The following HELLS variants were observed in gnomAD, a reference collection of about 807,000 sequenced individuals.
HELLS encodes the protein helicase, lymphoid specific.
A neutral mutation model predicts 120.0 loss-of-function variants in HELLS; 32 were observed. The ratio of observed to expected loss-of-function variants is 0.27; its 90% confidence interval spans 0.20 to 0.36. The LOEUF (loss-of-function observed/expected upper bound fraction) is 0.36. HELLS is among the 10% of genes least tolerant of loss of function. The pLI is 1.00. For synonymous variants in HELLS, 341 were observed against 323.4 expected (o/e 1.05, Z -0.58); for missense variants, 650 against 993.4 (o/e 0.65, Z 4.65).
intron 8 of HELLS, 64 bp downstream of exon 8, chr10:94,574,251 A>G: frequency 1.9e-6 from 2 of 1,048,260 alleles, no homozygotes; most frequent in Middle Eastern, 2.1e-4. Context: ...TAATGATTTG[A>G]GGTACCACAA....
At position 94,583,067 on chromosome 10, in the gene HELLS, A is replaced by G. The variant is rs374528125; in HGVS notation, c.1326+8A>G. 2 of 1,510,656 alleles carry G rather than the reference A, an allele frequency of 1.3e-6. No individual in the cohort carries two copies. The highest frequency in any genetic ancestry group is 1.8e-6 in the Non-Finnish European group (2 of 1,099,934). 93.6% of individuals were successfully genotyped at this position (1,510,656 alleles called of 1,614,324 possible). On this transcript the variant is annotated splice_region_variant and intron_variant, in intron 12 of 21. Transcript: ENST00000348459. ...TTGCATATGCTGCACCAGGTTTTCC[A>G]TGTTTTCTTATTCTGCTTAACCATA...
At chr10:94,585,451 G>A (rs1361485246) in intron 12 of HELLS, among the ~76,000 whole-genome samples, 8 of 146,868 alleles carry the variant, frequency 5.4e-5, no homozygotes, top group Non-Finnish European at 1.0e-4. Flanking sequence ...CCCAGGCCTG[G>A]AGTGCAGTGA....
chr10:94,555,505 A>G (rs1430082443), intron 3 of HELLS, among the ~76,000 whole-genome samples: 3 of 152,232 alleles, frequency 2.0e-5, no homozygotes, highest in Non-Finnish European at 4.4e-5. Context: ...AGCTGAACAC[A>G]TGGAGGTTCC....
At chr10:94,554,273 G>A (rs1250150440) in intron 3 of HELLS, 25 bp downstream of exon 3, 1 of 1,498,028 alleles carries the variant, frequency 6.7e-7, no homozygotes, top group East Asian at 2.5e-5. Flanking sequence ...CTGACTACAA[G>A]TGAAAGCTTA....
Position 94,574,642 on chromosome 10 carries a change from T to C in HELLS, c.794T>C (p.Met265Thr). ...TVQCIATIAL[M>T]IQRGVPGPFL... Reference sequence around the variant, plus strand: ...CAGTGCATTGCTACTATTGCATTGATGATTCAGAGAGGAGTACCAGGACCT... The same window carrying C: ...CAGTGCATTGCTACTATTGCATTGACGATTCAGAGAGGAGTACCAGGACCT... The change falls in exon 9 of 22, where the codon ATG becomes ACG. Residue 265 changes from methionine to threonine, a missense_variant. Met to Thr is a moderately conservative substitution (Grantham distance 81). Coordinates refer to ENST00000348459, the MANE Select transcript of HELLS (RefSeq NM_018063.5). The C allele has an allele frequency of 6.2e-7, 1 of 1,613,312 alleles. No homozygotes were observed. Among genetic ancestry groups the C allele is most frequent in the Non-Finnish European group, 8.5e-7 (1 of 1,179,274 alleles).
At chr10:94,565,250 T>A (rs966200513) in intron 6 of HELLS, among the ~76,000 whole-genome samples, 2 of 152,070 alleles carry the variant, frequency 1.3e-5, no homozygotes, top group African/African-American at 4.8e-5. Context: ...GGCAGGAGAA[T>A]CACGAACCTG....
At chr10:94,585,689 ATT>A (rs538721729) in intron 12 of HELLS, among the ~76,000 whole-genome samples, 34 of 138,976 alleles carry the variant, frequency 2.4e-4, no homozygotes, top group Admixed American at 4.4e-4. Context: ...TGGCCAACAG[ATT>A]TTTTTTTTTT....
chr10:94,611,658 TG>T (rs1846194859), exon 10 of HELLS: 1 of 152,186 alleles, frequency 6.6e-6, no homozygotes, highest in African/African-American at 2.4e-5. Context: ...TGTAAACATG[TG>T]GTTCCAATTC....
chr10:94,555,620 A>ATCTT (rs957863203), intron 3 of HELLS, among the ~76,000 whole-genome samples: 10 of 151,684 alleles, frequency 6.6e-5, no homozygotes, highest in African/African-American at 1.9e-4. Context: ...ATATGTTGTA[A>ATCTT]TCTTTCTTTC....
At chr10:94,546,953 T>C (rs1056581429) in intron 2 of HELLS, among the ~76,000 whole-genome samples, 1 of 152,200 alleles carries the variant, frequency 6.6e-6, no homozygotes, top group African/African-American at 2.4e-5. Context: ...GTCTAATGAT[T>C]TCCTTATACT....
chr10:94,548,289 TTATAAAG>T (rs1288846366), intron 2 of HELLS, among the ~76,000 whole-genome samples: 13 of 152,196 alleles, frequency 8.5e-5, no homozygotes, highest in African/African-American at 4.8e-5. Flanking sequence ...ACCAGATGAA[TTATAAAG>T]TATAAATTCT....
At chr10:94,552,481 T>TA in intron 2 of HELLS, among the ~76,000 whole-genome samples, 1 of 152,366 alleles carries the variant, frequency 6.6e-6, no homozygotes, top group Middle Eastern at 3.4e-3. Flanking sequence ...TAGTAATTCT[T>TA]ACAATTTTTC....
chr10:94,551,082 A>G (rs1180023457), intron 2 of HELLS: 2 of 152,246 alleles, frequency 1.3e-5, no homozygotes, highest in African/African-American at 4.8e-5. Context: ...CCACAGTAGT[A>G]TACTGGTAAT....
At chr10:94,612,723 T>C (rs1286710797) in exon 10 of HELLS, 1 of 152,168 alleles carries the variant, frequency 6.6e-6, no homozygotes, top group Non-Finnish European at 1.5e-5. Flanking sequence ...GCCAGGAGTT[T>C]GAAACTAGTC....
intron 4 of HELLS, among the ~76,000 whole-genome samples, chr10:94,559,872 G>C (rs1843465001): frequency 6.6e-6 from 1 of 152,148 alleles, no homozygotes; most frequent in South Asian, 2.1e-4. Flanking sequence ...ACCCAAGCTT[G>C]TATTTTTCCT....
At chr10:94,586,342 C>T (rs1449440607) in intron 12 of HELLS, among the ~76,000 whole-genome samples, 7 of 152,090 alleles carry the variant, frequency 4.6e-5, no homozygotes, top group Non-Finnish European at 7.4e-5. Context: ...GGGATGGTCT[C>T]GATCTCCTGA....
At chr10:94,586,114 T>A (rs1407195696) in intron 12 of HELLS, among the ~76,000 whole-genome samples, 1 of 148,622 alleles carries the variant, frequency 6.7e-6, no homozygotes, top group Non-Finnish European at 1.5e-5. Flanking sequence ...TTTTTTTAAT[T>A]TTATTTATTT....
downstream of HELLS, among the ~76,000 whole-genome samples, chr10:94,606,899 C>G (rs143995197): frequency 7.9e-5 from 12 of 152,224 alleles, no homozygotes; most frequent in Non-Finnish European, 1.6e-4. Context: ...GAGGGTCACC[C>G]AATTGTCAGT....
At chr10:94,606,156 TGTCACTCAA>T (rs1846126803), downstream of HELLS, among the ~76,000 whole-genome samples, 2 of 151,922 alleles carry the variant, frequency 1.3e-5, no homozygotes, top group South Asian at 4.2e-4. Context: ...TTTCCCCCTA[TGTCACTCAA>T]GTAATGTGGA....
Sources: allele counts gnomAD v4.1 joint callset (sites outside exome capture counted in the v4.1 genomes callset), GRCh38; gene constraint gnomAD v4.1.1; transcripts MANE v1.5; gene names NCBI Gene and HGNC (gene_info 2026-07-23, HGNC 2026-07-21).